DOP1A: variants seen among roughly 807,000 people sequenced by gnomAD.
The protein encoded by DOP1A is DOP1 leucine zipper like protein A.
A neutral mutation model predicts 267.6 loss-of-function variants in DOP1A; 90 were observed. That is an observed-to-expected ratio of 0.34 (90% CI 0.28 to 0.40). The LOEUF (loss-of-function observed/expected upper bound fraction) is 0.40, where lower values mean the gene tolerates loss of function less well. Ranked by LOEUF, DOP1A falls within the 10% of genes least tolerant of loss-of-function variation. The pLI, the probability that DOP1A is intolerant of heterozygous loss-of-function variation, is 1.00. For synonymous variants in DOP1A, 932 were observed against 999.1 expected (o/e 0.93, Z 1.27); for missense variants, 2,437 against 2,900.4 (o/e 0.84, Z 3.67).
chr6:83,074,465 A>G (rs1766678276), intron 1 of DOP1A, among the ~76,000 whole-genome samples: 1 of 152,164 alleles, frequency 6.6e-6, no homozygotes, highest in Non-Finnish European at 1.5e-5. Flanking sequence ...TCCCCAAATC[A>G]TGGTAGTTTG....
intron 12 of DOP1A, among the ~76,000 whole-genome samples, chr6:83,124,455 G>C (rs1162747703): frequency 6.6e-6 from 1 of 152,174 alleles, no homozygotes; most frequent in African/African-American, 2.4e-5. Context: ...GTCCCAGAAA[G>C]TGAGATCCAT....
chr6:83,128,791 G>T, intron 15 of DOP1A, 96 bp from the exon 16 acceptor site: 3 of 1,395,118 alleles, frequency 2.2e-6, no homozygotes, highest in East Asian at 4.8e-5. Flanking sequence ...AGATTAAGTT[G>T]TGAATAGTCT....
chr6:83,089,570 C>T (rs1455049432), intron 1 of DOP1A, among the ~76,000 whole-genome samples: 1 of 152,140 alleles, frequency 6.6e-6, no homozygotes, highest in Non-Finnish European at 1.5e-5. Flanking sequence ...GACTAAAGAT[C>T]AAGTCAGAGA....
chr6:83,081,352 C>CCA (rs1768039417), intron 1 of DOP1A, among the ~76,000 whole-genome samples: 1 of 152,074 alleles, frequency 6.6e-6, no homozygotes, highest in Non-Finnish European at 1.5e-5. Context: ...AGTGATCCAC[C>CCA]CACCTCAACC....
chr6:83,093,384 C>T (rs572522225), intron 1 of DOP1A, among the ~76,000 whole-genome samples: 4 of 152,252 alleles, frequency 2.6e-5, no homozygotes, highest in African/African-American at 9.6e-5. Flanking sequence ...CAACCTTAAC[C>T]AAGGAAATTT....
intron 27 of DOP1A, among the ~76,000 whole-genome samples, chr6:83,150,801 A>T (rs1223197001): frequency 1.3e-5 from 2 of 152,206 alleles, no homozygotes; most frequent in Non-Finnish European, 2.9e-5. Flanking sequence ...AAGATTTTTT[A>T]AACTTTTCTG....
At chr6:83,128,055 C>T (rs755671011) in intron 15 of DOP1A, among the ~76,000 whole-genome samples, 15 of 152,018 alleles carry the variant, frequency 9.9e-5, no homozygotes, top group South Asian at 2.1e-4. Flanking sequence ...AAGAATGACC[C>T]CTAGGTTTCT....
At chr6:83,159,616 G>A in intron 36 of DOP1A, 180 bp from the exon 37 acceptor site, 1 of 709,404 alleles carries the variant, frequency 1.4e-6, no homozygotes, top group Non-Finnish European at 2.4e-6. Context: ...CATTCTCAAA[G>A]AAGAAAAGTG....
At chr6:83,072,133 T>C (rs1582825821) in intron 1 of DOP1A, among the ~76,000 whole-genome samples, 1 of 152,352 alleles carries the variant, frequency 6.6e-6, no homozygotes, top group Non-Finnish European at 1.5e-5. Flanking sequence ...GAGTTTCGTA[T>C]GAACATACTG....
rs748893437 is a variant in DOP1A, at chr6:83,145,052, G to A, written c.5542-472G>A. 2.9e-5 allele frequency among the ~76,000 whole-genome samples: 4 copies of A among 139,020 alleles called. No homozygotes were observed. In the Admixed American group the frequency reaches 3.2e-4, roughly 11 times the overall value. The allele number at this position is 139,020 out of a possible 152,430, so 91.2% of individuals were successfully genotyped here. A position where few individuals can be genotyped will look rare whatever the true frequency, so the allele number is the denominator to read the frequency against. ...TATGAGGTTGAGGCTGCAGTAAACTGTAATTGAGCCACTGCACTCCAGCCT... is the reference window on the plus strand; with the variant it reads ...TATGAGGTTGAGGCTGCAGTAAACTATAATTGAGCCACTGCACTCCAGCCT... On this transcript the variant is annotated intron_variant, in intron 24 of 38. Coordinates refer to ENST00000349129, the MANE Select transcript of DOP1A (RefSeq NM_015018.4).
At chr6:83,084,319 T>C (rs1276096311) in intron 1 of DOP1A, among the ~76,000 whole-genome samples, 2 of 152,200 alleles carry the variant, frequency 1.3e-5, no homozygotes, top group East Asian at 1.9e-4. Context: ...CAATAGGTTA[T>C]ACCATATAGC....
chr6:83,103,796 A>C (rs1459579556), intron 4 of DOP1A, among the ~76,000 whole-genome samples: 2 of 152,192 alleles, frequency 1.3e-5, no homozygotes, highest in Non-Finnish European at 2.9e-5. Flanking sequence ...GTAAATGTTC[A>C]ATGTGATGAG....
intron 1 of DOP1A, among the ~76,000 whole-genome samples, chr6:83,085,745 T>A (rs1202497604): frequency 6.6e-6 from 1 of 152,144 alleles, no homozygotes; most frequent in Non-Finnish European, 1.5e-5. Flanking sequence ...GGACAAGCTT[T>A]GAGGAAAACC....
rs894993836 is a variant in DOP1A, at chr6:83,164,799, A to C, written c.7092+1880A>C. ...AGACACAAACCCAGGTCTGAATGTCAACAAGTACAAGGGAGGTAAACAGGA... is the reference window on the plus strand; with the variant it reads ...AGACACAAACCCAGGTCTGAATGTCCACAAGTACAAGGGAGGTAAACAGGA... On this transcript the variant is annotated intron_variant, in intron 38 of 38. Transcript: ENST00000349129. The C allele has an allele frequency of 1.3e-4, 154 of 1,181,518 alleles. 1 individual carries two copies. Among genetic ancestry groups the C allele is most frequent in the Admixed American group, 2.7e-4 (12 of 44,828 alleles). 73.2% of individuals were successfully genotyped at this position (1,181,518 alleles called of 1,614,324 possible). A position where few individuals can be genotyped will look rare whatever the true frequency, so the allele number is the denominator to read the frequency against.
At chr6:83,086,948 A>G (rs1017343578) in intron 1 of DOP1A, among the ~76,000 whole-genome samples, 3 of 151,872 alleles carry the variant, frequency 2.0e-5, no homozygotes, top group African/African-American at 7.3e-5. Flanking sequence ...ACCATGAGAG[A>G]TTCGGGGGGT....
intron 19 of DOP1A, 113 bp downstream of exon 19, chr6:83,134,400 TA>T: frequency 1.4e-6 from 1 of 726,418 alleles, no homozygotes; most frequent in Non-Finnish European, 2.0e-6. Flanking sequence ...ACAAATTTTA[TA>T]AAGAGAATTT....
intron 1 of DOP1A, among the ~76,000 whole-genome samples, chr6:83,082,859 G>A (rs1768376641): frequency 1.3e-5 from 2 of 150,596 alleles, no homozygotes; most frequent in South Asian, 4.2e-4. Flanking sequence ...CCAGGCTGGA[G>A]TGCAGTGGTG....
intron 6 of DOP1A, among the ~76,000 whole-genome samples, chr6:83,111,957 C>G (rs1774630793): frequency 6.6e-6 from 1 of 151,998 alleles, no homozygotes; most frequent in Non-Finnish European, 1.5e-5. Context: ...TTGTCTAATC[C>G]AAGGTACCAG....
intron 34 of DOP1A, among the ~76,000 whole-genome samples, chr6:83,156,543 C>T (rs138639138): frequency 1.8e-4 from 28 of 152,274 alleles, no homozygotes; most frequent in African/African-American, 6.3e-4. Context: ...TCGGTAACTT[C>T]ATCAAGTGGG....
Sources: gnomAD v4.1 joint callset for allele counts (sites outside exome capture counted in the v4.1 genomes callset) on GRCh38, gnomAD v4.1.1 for gene constraint, MANE v1.5 for transcripts, NCBI Gene and HGNC (gene_info 2026-07-23, HGNC 2026-07-21) for gene names.